RABGAP1L: variants seen among roughly 807,000 people sequenced by gnomAD.
RABGAP1L encodes RAB GTPase activating protein 1 like, also known as rab GTPase-activating protein 1-like.
Under a neutral mutation model 137.7 loss-of-function variants are expected in RABGAP1L, and 63 were observed. The observed-to-expected ratio is 0.46, with a 90% CI of 0.37 to 0.56. RABGAP1L has a LOEUF of 0.56. Ranked by LOEUF, RABGAP1L falls within the 20% of genes least tolerant of loss-of-function variation. The pLI is 0.00. For synonymous variants in RABGAP1L, 431 were observed against 433.7 expected, an observed-to-expected ratio of 0.99 and a Z score of 0.08; for missense variants, 1,095 against 1,244.0, an observed-to-expected ratio of 0.88 and a Z score of 1.80.
At chr1:174,568,002 C>G (rs912175227) in intron 13 of RABGAP1L, among the ~76,000 whole-genome samples, 8 of 152,088 alleles carry the variant, frequency 5.3e-5, no homozygotes, top group African/African-American at 1.9e-4. Flanking sequence ...AAAGGAATAC[C>G]TGAAACTGGG....
chr1:174,604,681 C>A (rs1360140333), intron 13 of RABGAP1L, among the ~76,000 whole-genome samples: 1 of 152,142 alleles, frequency 6.6e-6, no homozygotes, highest in African/African-American at 2.4e-5. Flanking sequence ...TTTAGTCCAT[C>A]CCTAAAAAAC....
chr1:174,543,685 A>G lies in RABGAP1L; in HGVS notation c.1711-93690A>G, dbSNP rs1045593971. Among the ~76,000 whole-genome samples, 6 of 152,184 alleles carry G rather than the reference A, an allele frequency of 3.9e-5. No individual in the cohort carries two copies. The South Asian group carries it at 1.0e-3, about 26-fold the overall frequency. ...TCGTTAGTTGATGCAGTTTCTTCCT[A>G]GCCTCGATGGTCTTTACCATTTGGC... On this transcript the variant is annotated intron_variant, in intron 13 of 25. Coordinates refer to ENST00000681986, the MANE Select transcript of RABGAP1L (RefSeq NM_001366446.1).
intron 17 of RABGAP1L, among the ~76,000 whole-genome samples, chr1:174,736,978 T>C (rs904781956): frequency 2.0e-5 from 3 of 152,216 alleles, no homozygotes; most frequent in Non-Finnish European, 4.4e-5. Flanking sequence ...TGGGAGGGGC[T>C]GTCTCCAAGA....
intron 11 of RABGAP1L, among the ~76,000 whole-genome samples, chr1:174,317,530 T>C (rs1426843489): frequency 1.3e-5 from 2 of 152,092 alleles, no homozygotes; most frequent in Non-Finnish European, 2.9e-5. Context: ...AGACAAAGTC[T>C]TCCCTACTCT....
intron 13 of RABGAP1L, among the ~76,000 whole-genome samples, chr1:174,585,313 T>G (rs77879380): frequency 0.011 from 1,645 of 152,260 alleles, 28 homozygotes; most frequent in African/African-American, 0.038. Context: ...TTATCTAATT[T>G]TAGGACCCCC....
At chr1:174,319,039 A>G (rs1052905073) in intron 11 of RABGAP1L, among the ~76,000 whole-genome samples, 1 of 152,024 alleles carries the variant, frequency 6.6e-6, no homozygotes, top group South Asian at 2.1e-4. Flanking sequence ...TATTTTGTAT[A>G]TTTTACATAT....
At chr1:174,819,585 A>G (rs543491508) in intron 19 of RABGAP1L, among the ~76,000 whole-genome samples, 12 of 152,236 alleles carry the variant, frequency 7.9e-5, no homozygotes, top group Admixed American at 2.6e-4. Context: ...CCTTGACTCA[A>G]TGATCTAGAG....
At chr1:174,526,786 T>C (rs1376367120) in intron 13 of RABGAP1L, among the ~76,000 whole-genome samples, 2 of 152,148 alleles carry the variant, frequency 1.3e-5, no homozygotes, top group African/African-American at 2.4e-5. Context: ...TTTCATTTCA[T>C]TGATGCTTTA....
chr1:174,244,963 T>C (rs964283407), intron 5 of RABGAP1L: 1 of 152,244 alleles, frequency 6.6e-6, no homozygotes, highest in African/African-American at 2.4e-5. Context: ...GAGATACTTC[T>C]TGATAAATAT....
chr1:174,432,299 A>G (rs189690264), intron 13 of RABGAP1L, among the ~76,000 whole-genome samples: 259 of 152,258 alleles, frequency 1.7e-3, no homozygotes, highest in Non-Finnish European at 3.0e-3. Flanking sequence ...TTAATTTTTT[A>G]TGGCTGTGTA....
At chr1:174,853,032 T>G (rs1353765723) in intron 19 of RABGAP1L, among the ~76,000 whole-genome samples, 1 of 152,098 alleles carries the variant, frequency 6.6e-6, no homozygotes, top group African/African-American at 2.4e-5. Context: ...TTGTTTTTAA[T>G]GTTTCTAAAA....
chr1:174,770,415 T>A (rs918723102), intron 18 of RABGAP1L, among the ~76,000 whole-genome samples: 1 of 152,198 alleles, frequency 6.6e-6, no homozygotes, highest in South Asian at 2.1e-4. Flanking sequence ...ATCATCACAG[T>A]ACCATGCACA....
intron 13 of RABGAP1L, among the ~76,000 whole-genome samples, chr1:174,446,457 C>T (rs539426589): frequency 6.6e-6 from 1 of 152,134 alleles, no homozygotes; most frequent in Non-Finnish European, 1.5e-5. Context: ...CATGTTATTT[C>T]TTCAAAAGAT....
At chr1:174,939,454 G>T (rs141476674) in intron 19 of RABGAP1L, among the ~76,000 whole-genome samples, 28 of 151,858 alleles carry the variant, frequency 1.8e-4, no homozygotes, top group African/African-American at 6.5e-4. Context: ...TACTTGGGAG[G>T]CTGAGGCAGA....
chr1:174,873,660 GCCA>G (rs1652579878), intron 19 of RABGAP1L, among the ~76,000 whole-genome samples: 1 of 151,306 alleles, frequency 6.6e-6, no homozygotes, highest in South Asian at 2.1e-4. Flanking sequence ...ACAGGCGCGC[GCCA>G]CCACGCCTGG....
chr1:174,843,383 C>G (rs992263310), intron 19 of RABGAP1L, among the ~76,000 whole-genome samples: 148 of 151,462 alleles, frequency 9.8e-4, no homozygotes, highest in African/African-American at 3.3e-3. Flanking sequence ...CCCTCTCCCC[C>G]CACCCCACAA....
chr1:174,974,664 C>G (rs1670492666), intron 21 of RABGAP1L, among the ~76,000 whole-genome samples: 1 of 152,198 alleles, frequency 6.6e-6, no homozygotes, highest in South Asian at 2.1e-4. Flanking sequence ...TTCGCCTTAA[C>G]TACCCAACGG....
chr1:174,202,837 A>G (rs1194612094), intron 1 of RABGAP1L, among the ~76,000 whole-genome samples: 1 of 152,186 alleles, frequency 6.6e-6, no homozygotes, highest in Non-Finnish European at 1.5e-5. Context: ...TATAAGGTGT[A>G]AGGAAGGGAT....
Position 174,621,012 on chromosome 1 carries a change from C to T in RABGAP1L, c.1711-16363C>T, listed in dbSNP as rs532613865. Among the ~76,000 whole-genome samples, 4 of 152,252 alleles carry T rather than the reference C, an allele frequency of 2.6e-5. No homozygotes were observed. The East Asian group carries it at 7.7e-4, about 29-fold the overall frequency. On this transcript the variant is annotated intron_variant, in intron 13 of 25. Transcript: ENST00000681986. Reference sequence around the variant, plus strand: ...TCAGAGAATACTACAAATACCTCTACACAAATAAACTAGAAAATCTAGAAG... The same window carrying T: ...TCAGAGAATACTACAAATACCTCTATACAAATAAACTAGAAAATCTAGAAG...
Sources: allele counts gnomAD v4.1 joint callset (sites outside exome capture counted in the v4.1 genomes callset), GRCh38; gene constraint gnomAD v4.1.1; transcripts MANE v1.5; gene names NCBI Gene and HGNC (gene_info 2026-07-23, HGNC 2026-07-21).